Variants in SKIC2 observed in about 807,000 individuals in gnomAD.
SKIC2 encodes superkiller complex protein 2.
the SKIC2 span, chr6:31,961,155 G>A: frequency 6.2e-7 from 1 of 1,611,134 alleles, no homozygotes. Flanking sequence ...AAGGAACAGA[G>A]ATGGACATGA....
chr6:31,960,648 T>G, the SKIC2 span: 1 of 1,590,546 alleles, frequency 6.3e-7, no homozygotes, highest in East Asian at 2.2e-5. Flanking sequence ...AATCCCTGTC[T>G]GTCCTGTCTC....
chr6:31,963,426 C>G, the SKIC2 span: 1 of 1,584,222 alleles, frequency 6.3e-7, no homozygotes. This position sits in a 1 kb window ranked among gnomAD's most constrained non-coding sequence, Gnocchi z 5.3. Flanking sequence ...GCTGAAGCGT[C>G]GTCAGATCTA....
At chr6:31,962,994 G>T in the SKIC2 span, 3 of 1,610,810 alleles carry the variant, frequency 1.9e-6, no homozygotes, top group East Asian at 6.7e-5. The surrounding 1 kb of genome is among the most constrained non-coding windows in gnomAD (Gnocchi z 5.0). Context: ...GCGTGGGGTC[G>T]TGTGGGAGGA....
At chr6:31,963,041 CCTT>C in the SKIC2 span, 6 of 1,612,792 alleles carry the variant, frequency 3.7e-6, no homozygotes, top group African/African-American at 1.3e-5. This position sits in a 1 kb window ranked among gnomAD's most constrained non-coding sequence, Gnocchi z 5.3. Context: ...TTTCTATCAT[CCTT>C]CTGAGTGCCA....
chr6:31,969,576 A>G, the SKIC2 span: 1 of 1,613,844 alleles, frequency 6.2e-7, no homozygotes, highest in Non-Finnish European at 8.5e-7. The surrounding 1 kb of genome is among the most constrained non-coding windows in gnomAD (Gnocchi z 6.1). Context: ...CGCTGCATTC[A>G]GCGCCTGGCT....
At chr6:31,963,632 C>T in the SKIC2 span, 14 of 1,540,670 alleles carry the variant, frequency 9.1e-6, no homozygotes, top group African/African-American at 1.7e-4. This position sits in a 1 kb window ranked among gnomAD's most constrained non-coding sequence, Gnocchi z 5.3. Flanking sequence ...CTCCCTGTGC[C>T]CCAGGTACTA....
the SKIC2 span, chr6:31,959,193 A>G: frequency 9.3e-6 from 15 of 1,610,038 alleles, no homozygotes; most frequent in South Asian, 1.5e-4. Context: ...TGGCTCCAGG[A>G]TGATGGAGAC....
the SKIC2 span, chr6:31,963,223 TG>T: frequency 1.3e-6 from 1 of 792,746 alleles, no homozygotes; most frequent in Non-Finnish European, 2.0e-6. This position sits in a 1 kb window ranked among gnomAD's most constrained non-coding sequence, Gnocchi z 5.3. Flanking sequence ...ATGTCCCACC[TG>T]GTGGCTGTGG....
At chr6:31,960,106 G>A in the SKIC2 span, 3 of 1,612,834 alleles carry the variant, frequency 1.9e-6, no homozygotes, top group Non-Finnish European at 2.5e-6. Flanking sequence ...GCATGGTGTG[G>A]AGCACTCAGC....
the SKIC2 span, chr6:31,963,045 C>G: frequency 2.5e-6 from 4 of 1,612,930 alleles, no homozygotes; most frequent in Non-Finnish European, 3.4e-6. The surrounding 1 kb of genome is among the most constrained non-coding windows in gnomAD (Gnocchi z 5.3). Context: ...TATCATCCTT[C>G]TGAGTGCCAC....
At chr6:31,961,743 TCTC>T in the SKIC2 span, 2 of 1,576,414 alleles carry the variant, frequency 1.3e-6, no homozygotes, top group Non-Finnish European at 1.7e-6. Context: ...CGACCCCTTG[TCTC>T]CTCTATTGGC....
At chr6:31,961,397 C>A in the SKIC2 span, 1 of 1,542,326 alleles carries the variant, frequency 6.5e-7, no homozygotes, top group Non-Finnish European at 8.7e-7. Context: ...GTTGGTGGTT[C>A]TGTGTAGTGG....
the SKIC2 span, chr6:31,967,019 C>T: frequency 6.2e-7 from 1 of 1,613,010 alleles, no homozygotes; most frequent in Non-Finnish European, 8.5e-7. This position sits in a 1 kb window ranked among gnomAD's most constrained non-coding sequence, Gnocchi z 4.9. Flanking sequence ...TGAACAGGCC[C>T]TGGCTGAACT....
the SKIC2 span, chr6:31,966,779 A>G: frequency 3.1e-6 from 5 of 1,614,076 alleles, no homozygotes; most frequent in East Asian, 6.7e-5. The surrounding 1 kb of genome is among the most constrained non-coding windows in gnomAD (Gnocchi z 5.9). Context: ...CTGCGAGTGG[A>G]TGCCCTCAGG....
chr6:31,965,498 T>C, the SKIC2 span, among the ~76,000 whole-genome samples: 6 of 152,352 alleles, frequency 3.9e-5, no homozygotes, highest in East Asian at 5.8e-4. This position sits in a 1 kb window ranked among gnomAD's most constrained non-coding sequence, Gnocchi z 5.6. Flanking sequence ...TATAAGATCA[T>C]ATTTATATAA....
chr6:31,963,909 C>T, the SKIC2 span: 10 of 1,609,170 alleles, frequency 6.2e-6, no homozygotes, highest in South Asian at 9.9e-5. The surrounding 1 kb of genome is among the most constrained non-coding windows in gnomAD (Gnocchi z 5.3). Flanking sequence ...CCTTCCTTCT[C>T]CAGGACCGCG....
At chr6:31,962,136 C>A in the SKIC2 span, 1 of 1,410,044 alleles carries the variant, frequency 7.1e-7, no homozygotes, top group Middle Eastern at 1.9e-4. The surrounding 1 kb of genome is among the most constrained non-coding windows in gnomAD (Gnocchi z 5.0). Flanking sequence ...ATCTCTTCCC[C>A]CACCTCTCTA....
chr6:31,966,771 G>A, the SKIC2 span: 1 of 1,614,168 alleles, frequency 6.2e-7, no homozygotes, highest in South Asian at 1.1e-5. The surrounding 1 kb of genome is among the most constrained non-coding windows in gnomAD (Gnocchi z 5.9). Flanking sequence ...TCAACTTGCT[G>A]CGAGTGGATG....
At chr6:31,968,522 C>G in the SKIC2 span, 1 of 1,612,714 alleles carries the variant, frequency 6.2e-7, no homozygotes. The surrounding 1 kb of genome is among the most constrained non-coding windows in gnomAD (Gnocchi z 6.1). Context: ...GTACACAGCC[C>G]CCGTTTTCCT....
Sources: allele counts gnomAD v4.1 joint callset (sites outside exome capture counted in the v4.1 genomes callset), GRCh38; gene constraint gnomAD v4.1.1; non-coding constraint Gnocchi (gnomAD v3.1); transcripts MANE v1.5; gene names NCBI Gene and HGNC (gene_info 2026-07-23, HGNC 2026-07-21).